The following CASTOR2 variants were observed in gnomAD, a reference collection of about 807,000 sequenced individuals.
The protein encoded by CASTOR2 is cytosolic arginine sensor for mTORC1 subunit 2.
A neutral mutation model predicts 31.2 loss-of-function variants in CASTOR2; 8 were observed. The ratio of observed to expected loss-of-function variants is 0.26; its 90% CI spans 0.15 to 0.46. The LOEUF is 0.46. CASTOR2 is among the 20% of genes least tolerant of loss of function. The pLI, the probability that CASTOR2 is intolerant of heterozygous loss-of-function variation, is 0.99. For missense variants in CASTOR2, 216 were observed against 382.1 expected (o/e 0.57, Z 3.62); for synonymous variants, 162 against 158.7 (o/e 1.02, Z -0.16).
In CASTOR2 at chr7:75,024,847, C is replaced by T. The variant is rs2131959728; in HGVS notation, c.*148C>T. The T allele has an allele frequency of 1.9e-6, 3 of 1,541,822 alleles. No individual in the cohort carries two copies. The highest frequency in any genetic ancestry group is 2.4e-5 in the East Asian group (1 of 40,880). ...TGGGAGACTCCCTCGATTGCCAATC[C>T]CTCCAGGGCAGGGGCCCACGCCAAG... is the stretch of plus-strand genomic sequence containing the variant. On this transcript the variant is annotated 3_prime_UTR_variant, in exon 9 of 9. Transcript: ENST00000616305.
In CASTOR2 at chr7:74,992,697, C is replaced by G. The variant is rs1554437482; in HGVS notation, c.114-15297C>G. ...TCGTGATCTGCCCACCTCAGCCTCC[C>G]AAAGTGCTGGGATTACAGGCGTGAG... is the stretch of plus-strand genomic sequence containing the variant. On this transcript the variant is annotated intron_variant, in intron 1 of 8. Transcript: ENST00000616305. Among the ~76,000 whole-genome samples, 697 of 152,274 alleles carry G rather than the reference C, an allele frequency of 4.6e-3. 1 individual carries two copies. Among genetic ancestry groups the G allele is most frequent in the Non-Finnish European group, 6.6e-3 (452 of 68,020 alleles).
intron 2 of CASTOR2, among the ~76,000 whole-genome samples, chr7:75,017,244 T>G (rs1180539578): frequency 6.6e-6 from 1 of 152,092 alleles, no homozygotes; most frequent in Admixed American, 6.6e-5. Flanking sequence ...GTCAAGAGAT[T>G]GAGACCATCC....
intron 1 of CASTOR2, among the ~76,000 whole-genome samples, chr7:75,002,990 A>C (rs1301198201): frequency 4.2e-4 from 64 of 152,270 alleles, no homozygotes; most frequent in African/African-American, 1.5e-3. Context: ...TGGGAGGCTA[A>C]GGATGGCCTG....
chr7:75,009,113 C>T (rs1352811508), intron 2 of CASTOR2, among the ~76,000 whole-genome samples: 31 of 152,030 alleles, frequency 2.0e-4, no homozygotes, highest in Admixed American at 6.6e-4. Context: ...CCCGCCGCCA[C>T]GCCCGGCTAA....
intron 2 of CASTOR2, among the ~76,000 whole-genome samples, chr7:75,011,226 C>T (rs1473812763): frequency 6.6e-6 from 1 of 151,498 alleles, no homozygotes; most frequent in Non-Finnish European, 1.5e-5. Flanking sequence ...GTCAGGAGTT[C>T]GAGACAAGCC....
chr7:75,023,735 C>T (rs909790342), intron 7 of CASTOR2, among the ~76,000 whole-genome samples: 1 of 152,232 alleles, frequency 6.6e-6, no homozygotes, highest in Admixed American at 6.5e-5. Context: ...CCACCACTCC[C>T]AGCCAAGGTG....
At chr7:75,001,301 C>T (rs1804490370) in intron 1 of CASTOR2, among the ~76,000 whole-genome samples, 1 of 152,174 alleles carries the variant, frequency 6.6e-6, no homozygotes, top group Admixed American at 6.6e-5. Context: ...TGGTCTCAAA[C>T]TCCTGGGCTC....
rs1251722711 is a variant in CASTOR2 at position 75,025,610 on chromosome 7, C to A, written c.*911C>A. ...CATAGGACTCCCCGCCGTCCTCCTC[C>A]CTCCTCTGCCCCCAAGTCACCTGCC... On this transcript the variant is annotated 3_prime_UTR_variant, in exon 9 of 9. Transcript: ENST00000616305. Among the ~76,000 whole-genome samples, 5 of 152,272 alleles carry A rather than the reference C, an allele frequency of 3.3e-5. No individual in the cohort carries two copies. Among genetic ancestry groups the A allele is most frequent in the Non-Finnish European group, 1.5e-5 (1 of 68,052 alleles).
At chr7:75,013,114 C>T (rs1804791465) in intron 2 of CASTOR2, among the ~76,000 whole-genome samples, 1 of 152,188 alleles carries the variant, frequency 6.6e-6, no homozygotes, top group Non-Finnish European at 1.5e-5. Context: ...GGAATGAAGG[C>T]CGGTGCCCTG....
chr7:75,017,316 A>G (rs1163067820), intron 2 of CASTOR2, among the ~76,000 whole-genome samples: 13 of 151,834 alleles, frequency 8.6e-5, no homozygotes, highest in African/African-American at 3.1e-4. Context: ...GCGTGGTGGC[A>G]TGTGCCTGTA....
chr7:75,020,086 T>G lies in CASTOR2; in HGVS notation c.683T>G (p.Phe228Cys). The G allele has an allele frequency of 1.3e-6, 2 of 1,551,492 alleles. No individual in the cohort carries two copies. Among genetic ancestry groups the G allele is most frequent in the Non-Finnish European group, 1.7e-6 (2 of 1,146,826 alleles). ...ATGDDCGHIR[F>C]FSFSLIEGYI... ...GGGGATGACTGCGGCCACATCCGCT[T>G]CTTCTCCTTCTCCCTCATCGAGGGC... is the stretch of plus-strand genomic sequence containing the variant. The change falls in exon 6 of 9, where the codon TTC becomes TGC. Residue 228 changes from phenylalanine to cysteine, a missense_variant. Phe to Cys is a radical substitution (Grantham distance 205, BLOSUM62 -2). Around this residue, in one of 5 missense-constraint regions of CASTOR2, gnomAD observed 44 missense variants for 57.5 expected, o/e 0.76. Coordinates refer to ENST00000616305, the MANE Select transcript of CASTOR2 (RefSeq NM_001145064.3).
At chr7:75,004,141 C>T (rs1228343468) in intron 1 of CASTOR2, among the ~76,000 whole-genome samples, 1 of 152,154 alleles carries the variant, frequency 6.6e-6, no homozygotes, top group African/African-American at 2.4e-5. Context: ...AGTACCAGCT[C>T]ATGGCAGTCT....
chr7:74,993,190 T>C (rs1165434815), intron 1 of CASTOR2, among the ~76,000 whole-genome samples: 1 of 151,916 alleles, frequency 6.6e-6, no homozygotes, highest in Non-Finnish European at 1.5e-5. Flanking sequence ...AGAGCAAGAC[T>C]CCATCTCAAA....
At chr7:75,024,601 G>C in intron 8 of CASTOR2, 33 bp from the exon 9 acceptor site, 1 of 1,550,996 alleles carries the variant, frequency 6.4e-7, no homozygotes, top group Non-Finnish European at 8.7e-7. Flanking sequence ...CTGGGCTCAC[G>C]GGCAGGCATC....
In CASTOR2 at chr7:75,024,830, T is replaced by G; in HGVS notation, c.*131T>G. The G allele has an allele frequency of 6.5e-7, 1 of 1,546,390 alleles. No homozygotes were observed. The highest frequency in any genetic ancestry group is 1.2e-5 in the South Asian group (1 of 83,300). On this transcript the variant is annotated 3_prime_UTR_variant, in exon 9 of 9. Coordinates refer to ENST00000616305, the MANE Select transcript of CASTOR2 (RefSeq NM_001145064.3). ...TGAGGAAGGGGCCTCTGTGGGAGAC[T>G]CCCTCGATTGCCAATCCCTCCAGGG...
At chr7:74,986,141 G>T (rs1804059273) in intron 1 of CASTOR2, among the ~76,000 whole-genome samples, 1 of 151,910 alleles carries the variant, frequency 6.6e-6, no homozygotes, top group African/African-American at 2.4e-5. Flanking sequence ...CGTTGGCCAG[G>T]CTGGTCTTGA....
chr7:74,991,157 G>A (rs1563057343), intron 1 of CASTOR2, among the ~76,000 whole-genome samples: 1 of 152,146 alleles, frequency 6.6e-6, no homozygotes, highest in South Asian at 2.1e-4. Flanking sequence ...GCTGGAAGGT[G>A]TGAGCATCTG....
chr7:75,017,484 A>G lies in CASTOR2; in HGVS notation c.185-114A>G, dbSNP rs1804892185. On this transcript the variant is annotated intron_variant, in intron 2 of 8. Transcript: ENST00000616305. ...ATCCTGTTGGAAAGTGAGGCAAGGC[A>G]CAGGGTGGAGCTGGCCCCAGAGCAT... is the stretch of plus-strand genomic sequence containing the variant. 10 of 1,272,700 alleles carry G rather than the reference A, an allele frequency of 7.9e-6. No individual in the cohort carries two copies. The South Asian group carries it at 1.1e-4, about 15-fold the overall frequency. The allele number at this position is 1,272,700 out of a possible 1,614,324, so 78.8% of individuals were successfully genotyped here.
intron 2 of CASTOR2, among the ~76,000 whole-genome samples, chr7:75,012,518 G>A (rs1445620828): frequency 6.6e-6 from 1 of 151,898 alleles, no homozygotes; most frequent in Non-Finnish European, 1.5e-5. Flanking sequence ...TGTTGGCAAG[G>A]CTGGTCTTGA....
Sources: gnomAD v4.1 joint callset for allele counts (sites outside exome capture counted in the v4.1 genomes callset) on GRCh38, gnomAD v4.1.1 for gene constraint, gnomAD v4.1.1 regional missense constraint, MANE v1.5 for transcripts, NCBI Gene and HGNC (gene_info 2026-07-23, HGNC 2026-07-21) for gene names.